The following AGTPBP1 variants were observed in gnomAD, a reference collection of about 807,000 sequenced individuals.
AGTPBP1 encodes the protein ATP/GTP binding carboxypeptidase 1, also known as cytosolic carboxypeptidase 1.
In AGTPBP1, 70 loss-of-function variants were observed where a neutral mutation model predicts 143.9. The observed-to-expected ratio is 0.49, with a 90% CI of 0.40 to 0.59. The LOEUF is 0.59. AGTPBP1 is among the 20% of genes least tolerant of loss of function. The pLI is 0.00. For synonymous variants in AGTPBP1, 463 were observed against 500.2 expected, an observed-to-expected ratio of 0.93 and a Z score of 0.99; for missense variants, 1,229 against 1,464.5, an observed-to-expected ratio of 0.84 and a Z score of 2.62.
chr9:85,676,482 A>C (rs1394472269), intron 6 of AGTPBP1, among the ~76,000 whole-genome samples: 1 of 151,734 alleles, frequency 6.6e-6, no homozygotes, highest in East Asian at 1.9e-4. Context: ...GGGAAATGCA[A>C]ATCAAAATCA....
intron 17 of AGTPBP1, among the ~76,000 whole-genome samples, chr9:85,601,431 A>T (rs376333806): frequency 6.6e-6 from 1 of 152,236 alleles, no homozygotes; most frequent in South Asian, 2.1e-4. Flanking sequence ...TCACTCAGCC[A>T]TGTCAACCAG....
chr9:85,668,197 A>T (rs1377815742), intron 8 of AGTPBP1, among the ~76,000 whole-genome samples: 1 of 152,092 alleles, frequency 6.6e-6, no homozygotes, highest in Non-Finnish European at 1.5e-5. Context: ...TCCTCTCTAC[A>T]TTTGTGTAGG....
chr9:85,781,805 A>G, the AGTPBP1 span, among the ~76,000 whole-genome samples: 2 of 152,186 alleles, frequency 1.3e-5, no homozygotes, highest in African/African-American at 2.4e-5. Flanking sequence ...AATAGAACCC[A>G]TTTTTGAGAC....
At chr9:85,657,668 G>T (rs780258219) in intron 9 of AGTPBP1, 25 bp from the exon 10 acceptor site, 24 of 1,551,230 alleles carry the variant, frequency 1.5e-5, no homozygotes, top group Non-Finnish European at 2.0e-5. Flanking sequence ...GATTGAGAAA[G>T]AATATTTTTT....
intron 2 of AGTPBP1, among the ~76,000 whole-genome samples, chr9:85,707,254 A>C (rs1837072970): frequency 6.6e-6 from 1 of 152,210 alleles, no homozygotes; most frequent in Non-Finnish European, 1.5e-5. Context: ...ATTTAGGGGG[A>C]AATTTACAGC....
intron 3 of AGTPBP1, among the ~76,000 whole-genome samples, chr9:85,689,841 G>C (rs1835726305): frequency 1.4e-5 from 2 of 138,836 alleles, no homozygotes; most frequent in South Asian, 2.4e-4. Flanking sequence ...GTTGCCATGA[G>C]TGGAGATTGT....
At chr9:85,596,472 G>A (rs41282441) in intron 17 of AGTPBP1, 23 bp from the exon 18 acceptor site, 1 of 1,461,668 alleles carries the variant, frequency 6.8e-7, no homozygotes, top group Non-Finnish European at 9.3e-7. Flanking sequence ...GAAAAAAAGA[G>A]AGAAAATTAT....
chr9:85,613,317 G>A (rs1021702833), intron 17 of AGTPBP1, among the ~76,000 whole-genome samples: 15 of 151,786 alleles, frequency 9.9e-5, no homozygotes, highest in Admixed American at 3.3e-4. Context: ...AGCCTGCAGA[G>A]AGGTAAAGAG....
At chr9:85,678,298 T>C (rs998877464) in intron 5 of AGTPBP1, 37 bp downstream of exon 5, 102 of 1,455,840 alleles carry the variant, frequency 7.0e-5, no homozygotes, top group Non-Finnish European at 9.5e-5. Flanking sequence ...GATCACTGTT[T>C]AGAAACAGAA....
chr9:85,762,874 A>C, the AGTPBP1 span, among the ~76,000 whole-genome samples: 2 of 149,238 alleles, frequency 1.3e-5, no homozygotes, highest in Non-Finnish European at 3.0e-5. Flanking sequence ...ATACATATAT[A>C]TAGAAAGAAA....
the AGTPBP1 span, among the ~76,000 whole-genome samples, chr9:85,755,592 T>C: frequency 6.6e-6 from 1 of 152,144 alleles, no homozygotes; most frequent in African/African-American, 2.4e-5. Flanking sequence ...CACTCATTCA[T>C]TTAACATTTT....
chr9:85,638,075 T>G (rs953830037), intron 13 of AGTPBP1, among the ~76,000 whole-genome samples: 3 of 152,096 alleles, frequency 2.0e-5, no homozygotes, highest in Admixed American at 2.0e-4. Context: ...ACTCTAGTTT[T>G]TAGAAAACCC....
the AGTPBP1 span, among the ~76,000 whole-genome samples, chr9:85,758,944 A>C: frequency 6.6e-6 from 1 of 152,196 alleles, no homozygotes; most frequent in Non-Finnish European, 1.5e-5. Flanking sequence ...AGCAAATGGA[A>C]AACAAAAAAA....
the AGTPBP1 span, chr9:85,764,716 C>T: frequency 4.2e-6 from 5 of 1,203,516 alleles, no homozygotes; most frequent in Non-Finnish European, 6.2e-6. Flanking sequence ...AGGCCTTAAA[C>T]ACAGATAGTT....
In AGTPBP1 at chr9:85,706,832, C is replaced by T. The variant is rs537436472; in HGVS notation, c.32+5670G>A. The stretch of plus-strand genomic sequence containing the variant: ...CAGAGCTTGCAGTGAGCCGACATCG[C>T]GCCACTGCACTCCAGCCTGGACGAC... On this transcript the variant is annotated intron_variant, in intron 2 of 25. Coordinates refer to ENST00000357081, the MANE Select transcript of AGTPBP1 (RefSeq NM_001330701.2). 2.6e-5 allele frequency among the ~76,000 whole-genome samples: 4 copies of T among 152,048 alleles called. No individual in the cohort carries two copies. In the East Asian group the frequency reaches 7.8e-4, roughly 29 times the overall value.
chr9:85,800,216 GAA>G, the AGTPBP1 span, among the ~76,000 whole-genome samples: 9 of 152,188 alleles, frequency 5.9e-5, no homozygotes, highest in African/African-American at 2.2e-4. Context: ...ATCTTCCGGT[GAA>G]TTTGGGCAGC....
At chr9:85,689,787 T>C (rs992851526) in intron 3 of AGTPBP1, among the ~76,000 whole-genome samples, 1 of 149,172 alleles carries the variant, frequency 6.7e-6, no homozygotes, top group Non-Finnish European at 1.5e-5. Context: ...TCCCAGCTAC[T>C]CGGGGGGCTG....
chr9:85,761,874 A>G, the AGTPBP1 span, among the ~76,000 whole-genome samples: 5 of 152,242 alleles, frequency 3.3e-5, no homozygotes, highest in African/African-American at 1.2e-4. Context: ...CAATCTACTC[A>G]TCTGACAAAG....
At chr9:85,547,438 T>C in intron 25 of AGTPBP1, 152 bp from the exon 26 acceptor site, 1 of 611,954 alleles carries the variant, frequency 1.6e-6, no homozygotes, top group Non-Finnish European at 2.5e-6. Flanking sequence ...AGTTGAAATT[T>C]ATAATAGGTG....
Sources: allele counts gnomAD v4.1 joint callset (sites outside exome capture counted in the v4.1 genomes callset), GRCh38; gene constraint gnomAD v4.1.1; transcripts MANE v1.5; gene names NCBI Gene and HGNC (gene_info 2026-07-23, HGNC 2026-07-21).